Variants in PTPRD observed in about 807,000 individuals in gnomAD.
PTPRD encodes the protein receptor-type tyrosine-protein phosphatase delta.
Under a neutral mutation model 214.5 loss-of-function variants are expected in PTPRD, and 34 were observed. The observed-to-expected ratio is 0.16, with a 90% CI of 0.12 to 0.21. PTPRD has a LOEUF of 0.21. Among genes scored for constraint, PTPRD ranks in the 10% least tolerant of loss-of-function variants. PTPRD has a pLI of 1.00. For synonymous variants in PTPRD, 1,128 were observed against 845.7 expected (o/e 1.33, Z -5.79); for missense variants, 2,545 against 2,398.7 (o/e 1.06, Z -1.27).
chr9:8,550,109 C>T (rs2081559157), intron 14 of PTPRD, among the ~76,000 whole-genome samples: 1 of 152,004 alleles, frequency 6.6e-6, no homozygotes, highest in South Asian at 2.1e-4. Flanking sequence ...TACTGTATTC[C>T]CCAAGAATTT....
intron 12 of PTPRD, among the ~76,000 whole-genome samples, chr9:8,665,322 T>G (rs1462583490): frequency 6.6e-6 from 1 of 152,230 alleles, no homozygotes; most frequent in East Asian, 1.9e-4. Flanking sequence ...TTCCCCTCTG[T>G]AGACTTGGCT....
At chr9:10,316,533 G>T (rs561885748) in intron 3 of PTPRD, among the ~76,000 whole-genome samples, 1 of 151,944 alleles carries the variant, frequency 6.6e-6, no homozygotes, top group African/African-American at 2.4e-5. Context: ...AATATACTTG[G>T]TCTATATTTG....
intron 11 of PTPRD, among the ~76,000 whole-genome samples, chr9:8,976,302 G>C (rs566855746): frequency 2.6e-5 from 4 of 152,044 alleles, no homozygotes; most frequent in African/African-American, 9.7e-5. Flanking sequence ...ATTAAGAAAT[G>C]TTTGTGGAAT....
chr9:10,102,201 T>G (rs72694853), intron 3 of PTPRD, among the ~76,000 whole-genome samples: 7,974 of 151,720 alleles, frequency 0.053, 272 homozygotes, highest in Admixed American at 0.1. Context: ...CTACTCATTC[T>G]CTCTCATTTT....
At chr9:8,320,639 A>T (rs1653426501) in intron 44 of PTPRD, among the ~76,000 whole-genome samples, 1 of 152,062 alleles carries the variant, frequency 6.6e-6, no homozygotes, top group African/African-American at 2.4e-5. Flanking sequence ...AGATTCTCAC[A>T]GGGGTCTCTA....
At chr9:10,347,971 T>C (rs557312036) in intron 2 of PTPRD, among the ~76,000 whole-genome samples, 100 of 152,078 alleles carry the variant, frequency 6.6e-4, no homozygotes, top group African/African-American at 2.1e-3. Context: ...GCAGGGAGAA[T>C]CGCTTGAACC....
intron 21 of PTPRD, among the ~76,000 whole-genome samples, chr9:8,509,334 G>C (rs1264007642): frequency 6.6e-6 from 1 of 152,098 alleles, no homozygotes; most frequent in Non-Finnish European, 1.5e-5. Context: ...AATTATGATA[G>C]GACCTAACCT....
intron 8 of PTPRD, among the ~76,000 whole-genome samples, chr9:9,503,306 T>C (rs1267503462): frequency 1.3e-5 from 2 of 151,640 alleles, no homozygotes; most frequent in Admixed American, 6.6e-5. Flanking sequence ...ATTTTTCTTC[T>C]TGTTATAGGT....
intron 9 of PTPRD, among the ~76,000 whole-genome samples, chr9:9,372,093 A>T (rs2059667272): frequency 6.6e-6 from 1 of 152,134 alleles, no homozygotes; most frequent in Non-Finnish European, 1.5e-5. Context: ...TATTCTGTTG[A>T]TTTGGGGTGG....
intron 14 of PTPRD, among the ~76,000 whole-genome samples, chr9:8,564,698 C>T (rs1593956717): frequency 6.6e-6 from 1 of 152,046 alleles, no homozygotes; most frequent in Non-Finnish European, 1.5e-5. Flanking sequence ...AAGACTCTGT[C>T]TCAAAAAAAT....
At chr9:8,701,086 G>C (rs768359375) in intron 12 of PTPRD, among the ~76,000 whole-genome samples, 1 of 151,746 alleles carries the variant, frequency 6.6e-6, no homozygotes, top group Non-Finnish European at 1.5e-5. Flanking sequence ...ACTTGAACCC[G>C]GGAGGTGGAG....
chr9:9,054,987 A>G lies in PTPRD; in HGVS notation c.-142-36252T>C, dbSNP rs1219507955. Among the ~76,000 whole-genome samples the G allele has an allele frequency of 3.3e-5, 5 of 152,194 alleles. No homozygotes were observed. The East Asian group carries it at 9.6e-4, about 29-fold the overall frequency. On this transcript the variant is annotated intron_variant, in intron 10 of 45. Transcript: ENST00000381196. ...TGATATTCAACCCCATCTACCAGTCACAAAAATCTGAAAATTAAGGAGTTA... is the reference window on the plus strand; with the variant it reads ...TGATATTCAACCCCATCTACCAGTCGCAAAAATCTGAAAATTAAGGAGTTA...
At chr9:8,979,556 T>C (rs992672592) in intron 11 of PTPRD, among the ~76,000 whole-genome samples, 3 of 151,952 alleles carry the variant, frequency 2.0e-5, no homozygotes, top group African/African-American at 7.2e-5. Flanking sequence ...AACAAATGAC[T>C]CCACTTAAAA....
At chr9:9,881,621 G>A (rs1322093722) in intron 5 of PTPRD, among the ~76,000 whole-genome samples, 1 of 152,062 alleles carries the variant, frequency 6.6e-6, no homozygotes, top group Non-Finnish European at 1.5e-5. Context: ...TTAGCTTTGG[G>A]GGCATAGCAA....
intron 3 of PTPRD, among the ~76,000 whole-genome samples, chr9:10,275,661 G>T (rs1013764625): frequency 6.6e-6 from 1 of 152,140 alleles, no homozygotes; most frequent in African/African-American, 2.4e-5. Context: ...AGGTCAAATA[G>T]AGGTAGAAAT....
intron 9 of PTPRD, among the ~76,000 whole-genome samples, chr9:9,304,865 C>T (rs927475140): frequency 3.3e-5 from 5 of 150,142 alleles, no homozygotes; most frequent in African/African-American, 1.2e-4. Context: ...GCATCCAAGG[C>T]CCTTCTCAAT....
At chr9:9,271,234 T>C (rs73390822) in intron 9 of PTPRD, among the ~76,000 whole-genome samples, 2,573 of 151,344 alleles carry the variant, frequency 0.017, 70 homozygotes, top group African/African-American at 0.059. Context: ...CTTTCAAAAC[T>C]ATTACAAAGC....
At chr9:8,809,589 T>C (rs1448703131) in intron 11 of PTPRD, among the ~76,000 whole-genome samples, 1 of 152,220 alleles carries the variant, frequency 6.6e-6, no homozygotes, top group African/African-American at 2.4e-5. Flanking sequence ...GATATTATTA[T>C]GAAATAGATG....
At chr9:9,803,336 C>A (rs1017943226) in intron 5 of PTPRD, among the ~76,000 whole-genome samples, 2 of 151,228 alleles carry the variant, frequency 1.3e-5, no homozygotes, top group African/African-American at 2.4e-5. Context: ...ATGAGAAACA[C>A]AAAATTTTTA....
Sources: allele counts gnomAD v4.1 joint callset (sites outside exome capture counted in the v4.1 genomes callset), GRCh38; gene constraint gnomAD v4.1.1; transcripts MANE v1.5; gene names NCBI Gene and HGNC (gene_info 2026-07-23, HGNC 2026-07-21).